LRFN2: variants seen among roughly 807,000 people sequenced by gnomAD.
LRFN2 encodes leucine rich repeat and fibronectin type III domain containing 2, also known as leucine-rich repeat and fibronectin type-III domain-containing protein 2.
A neutral mutation model predicts 37.3 loss-of-function variants in LRFN2; 18 were observed. The observed-to-expected ratio is 0.48, with a 90% confidence interval of 0.33 to 0.72. LRFN2 has a LOEUF of 0.72. LRFN2 is among the 30% of genes least tolerant of loss of function. The pLI, the probability that LRFN2 is intolerant of heterozygous loss-of-function variation, is 0.02. For synonymous variants in LRFN2, 556 were observed against 466.6 expected (o/e 1.19, Z -2.47); for missense variants, 1,006 against 1,060.7 (o/e 0.95, Z 0.72).
intron 1 of LRFN2, among the ~76,000 whole-genome samples, chr6:40,586,660 TC>T (rs1767508822): frequency 6.6e-6 from 1 of 151,904 alleles, no homozygotes; most frequent in Admixed American, 6.6e-5. Flanking sequence ...CGTCTCTCCA[TC>T]CGGCTCTCCA....
Position 40,392,611 on chromosome 6 carries a change from T to A in LRFN2, c.1702A>T (p.Met568Leu). The change falls in exon 3 of 3, where the codon ATG (methionine) becomes TTG (leucine). Residue 568 changes from methionine to leucine, a missense_variant. Coordinates refer to ENST00000338305, the MANE Select transcript of LRFN2 (RefSeq NM_020737.3). This position sits in a 1 kb window ranked among gnomAD's most constrained non-coding sequence, Gnocchi z 4.7. ...TACACATTGCTCACGGCCGCTGCCA[T>A]CTTGCTGGGGGCCTCGTGGTTGCAG... is the stretch of plus-strand genomic sequence containing the variant. ...KVCNHEAPSK[M>L]AAAVSNVYSQ... The A allele has an allele frequency of 6.2e-7, 1 of 1,610,364 alleles. No homozygotes were observed. Among genetic ancestry groups the A allele is most frequent in the Non-Finnish European group, 8.5e-7 (1 of 1,179,942 alleles).
Position 40,431,852 on chromosome 6 carries a change from G to A in LRFN2, c.1262C>T (p.Pro421Leu). 1 of 1,587,932 alleles carries A rather than the reference G, an allele frequency of 6.3e-7. No individual in the cohort carries two copies. The highest frequency in any genetic ancestry group is 8.6e-7 in the Non-Finnish European group (1 of 1,165,492). ...AGACACAAGCACAGCCCGTTCCGGG[G>A]GGCTTTTGGGAGGCTCTCCGCCCCC... ...GSGGGEPPKSPPERAVLVSEV... is the reference protein window; with the variant it reads ...GSGGGEPPKSLPERAVLVSEV... Residue 421 changes from proline (P) to leucine (L), a missense_variant, in exon 2 of 3, where the codon CCC (proline) becomes CTC (leucine). Around this residue, in one of 4 missense-constraint regions of LRFN2, gnomAD observed 303 missense variants for 299.8 expected, o/e 1.01. Coordinates refer to ENST00000338305, the MANE Select transcript of LRFN2 (RefSeq NM_020737.3).
At chr6:40,468,647 A>T (rs763997899) in intron 1 of LRFN2, among the ~76,000 whole-genome samples, 4 of 151,716 alleles carry the variant, frequency 2.6e-5, no homozygotes, top group Non-Finnish European at 4.4e-5. Context: ...AACAGTACCC[A>T]GTGAAAACAA....
chr6:40,406,426 G>A (rs74765768), intron 2 of LRFN2, among the ~76,000 whole-genome samples: 1,946 of 152,282 alleles, frequency 0.013, 62 homozygotes, highest in East Asian at 0.1. Context: ...CAGCCTGCCC[G>A]CTGATCCAGG....
intron 1 of LRFN2, among the ~76,000 whole-genome samples, chr6:40,536,011 T>A (rs1433741): frequency 6.6e-6 from 1 of 151,662 alleles, no homozygotes; most frequent in Non-Finnish European, 1.5e-5. Flanking sequence ...GCAGGCCCAG[T>A]ATGGAGTCAG....
At chr6:40,541,276 A>G (rs991031022) in intron 1 of LRFN2, among the ~76,000 whole-genome samples, 7 of 152,220 alleles carry the variant, frequency 4.6e-5, no homozygotes, top group African/African-American at 1.4e-4. Context: ...CCAACCCCAC[A>G]ACCTGTGTGG....
chr6:40,579,613 A>AACACACACACACAC (rs34819147), intron 1 of LRFN2, among the ~76,000 whole-genome samples: 2 of 144,970 alleles, frequency 1.4e-5, no homozygotes, highest in African/African-American at 5.0e-5. Context: ...AACACACACA[A>AACACACACACACAC]ACACACACAC....
At chr6:40,517,147 C>T (rs974736183) in intron 1 of LRFN2, among the ~76,000 whole-genome samples, 2 of 152,190 alleles carry the variant, frequency 1.3e-5, no homozygotes, top group Non-Finnish European at 2.9e-5. Flanking sequence ...TCATCCCTAG[C>T]TGCAGTACGT....
intron 2 of LRFN2, among the ~76,000 whole-genome samples, chr6:40,408,112 T>A (rs111811118): frequency 1.1e-4 from 17 of 151,982 alleles, no homozygotes; most frequent in African/African-American, 4.1e-4. Flanking sequence ...AGTACAGAGT[T>A]TTAGTTTGGG....
intron 1 of LRFN2, among the ~76,000 whole-genome samples, chr6:40,515,606 C>T (rs369637415): frequency 7.2e-5 from 11 of 152,078 alleles, no homozygotes; most frequent in South Asian, 6.2e-4. Flanking sequence ...CTAAGAATTC[C>T]GGCTGGGCGC....
At chr6:40,424,105 C>T (rs1468199393) in intron 2 of LRFN2, among the ~76,000 whole-genome samples, 1 of 152,210 alleles carries the variant, frequency 6.6e-6, no homozygotes, top group African/African-American at 2.4e-5. Context: ...TGTCACTTCA[C>T]AGTGGCTTAC....
intron 1 of LRFN2, among the ~76,000 whole-genome samples, chr6:40,520,945 AG>A (rs1176432451): frequency 2.0e-5 from 3 of 152,132 alleles, no homozygotes; most frequent in Non-Finnish European, 4.4e-5. Context: ...TGAGAGTTAG[AG>A]GACCAATGAC....
At chr6:40,556,285 C>G (rs1167969151) in intron 1 of LRFN2, among the ~76,000 whole-genome samples, 1 of 152,224 alleles carries the variant, frequency 6.6e-6, no homozygotes, top group East Asian at 1.9e-4. Flanking sequence ...GACCCAGCCC[C>G]GACTGAACAC....
chr6:40,445,308 C>A (rs1763944470), intron 1 of LRFN2, among the ~76,000 whole-genome samples: 2 of 152,250 alleles, frequency 1.3e-5, no homozygotes, highest in South Asian at 2.1e-4. Flanking sequence ...GAAGCTTCCA[C>A]ACCTTGTTCA....
intron 1 of LRFN2, among the ~76,000 whole-genome samples, chr6:40,476,205 A>G (rs1421426211): frequency 6.6e-6 from 1 of 152,154 alleles, no homozygotes; most frequent in East Asian, 1.9e-4. Context: ...CCTGGATTAT[A>G]AAGTATGAAG....
At chr6:40,552,738 G>A (rs1024972684) in intron 1 of LRFN2, among the ~76,000 whole-genome samples, 3 of 151,958 alleles carry the variant, frequency 2.0e-5, no homozygotes, top group Admixed American at 2.0e-4. Context: ...AAAAGGAAAG[G>A]AAGAAAAACA....
intron 1 of LRFN2, among the ~76,000 whole-genome samples, chr6:40,567,516 T>A (rs542356554): frequency 6.6e-6 from 1 of 152,178 alleles, no homozygotes; most frequent in African/African-American, 2.4e-5. Context: ...AAAGCTGTCT[T>A]GATCCTTGAC....
intron 1 of LRFN2, among the ~76,000 whole-genome samples, chr6:40,483,025 C>T (rs926255207): frequency 6.6e-6 from 1 of 152,238 alleles, no homozygotes; most frequent in East Asian, 1.9e-4. Flanking sequence ...TCCGCCAAAG[C>T]CCAGAAGGCA....
intron 2 of LRFN2, among the ~76,000 whole-genome samples, chr6:40,428,268 A>T (rs901434001): frequency 6.6e-6 from 1 of 152,178 alleles, no homozygotes; most frequent in East Asian, 1.9e-4. Flanking sequence ...ATCTATTCTC[A>T]TTGTAACCTC....
Sources: gnomAD v4.1 joint callset for allele counts (sites outside exome capture counted in the v4.1 genomes callset) on GRCh38, gnomAD v4.1.1 for gene constraint, gnomAD v4.1.1 regional missense constraint, Gnocchi (gnomAD v3.1) non-coding constraint, MANE v1.5 for transcripts, NCBI Gene and HGNC (gene_info 2026-07-23, HGNC 2026-07-21) for gene names.